The following SEMA3F variants were observed in gnomAD, a reference collection of about 807,000 sequenced individuals.
The protein encoded by SEMA3F is semaphorin-3F.
Under a neutral mutation model 98.5 loss-of-function variants are expected in SEMA3F, and 30 were observed. That is an observed-to-expected ratio of 0.30 (90% CI 0.23 to 0.41). The LOEUF (loss-of-function observed/expected upper bound fraction) is 0.41, where lower values mean the gene tolerates loss of function less well. Among genes scored for constraint, SEMA3F ranks in the 10% least tolerant of loss-of-function variants. SEMA3F has a pLI of 1.00. For missense variants in SEMA3F, 866 were observed against 1,119.3 expected, an observed-to-expected ratio of 0.77 and a Z score of 3.23; for synonymous variants, 380 against 444.8, an observed-to-expected ratio of 0.85 and a Z score of 1.83.
chr3:50,172,008 C>T (rs1199453703), intron 2 of SEMA3F, among the ~76,000 whole-genome samples: 1 of 152,194 alleles, frequency 6.6e-6, no homozygotes, highest in African/African-American at 2.4e-5. Flanking sequence ...TCTGGGTCAG[C>T]TGGTGGAACC....
At chr3:50,168,773 C>A (rs1175100607) in intron 2 of SEMA3F, among the ~76,000 whole-genome samples, 1 of 152,188 alleles carries the variant, frequency 6.6e-6, no homozygotes, top group Admixed American at 6.5e-5. Context: ...TAGGGACCAC[C>A]TGGGCCCTGC....
chr3:50,161,356 CA>C (rs1346783208), intron 2 of SEMA3F, among the ~76,000 whole-genome samples: 2 of 152,258 alleles, frequency 1.3e-5, no homozygotes, highest in African/African-American at 2.4e-5. Flanking sequence ...CAGGCAAGGG[CA>C]GGGTCAAGGT....
chr3:50,183,598 CTCT>C (rs1699100074), intron 12 of SEMA3F, 34 bp downstream of exon 12: 4 of 1,607,932 alleles, frequency 2.5e-6, no homozygotes, highest in Middle Eastern at 1.7e-4. Flanking sequence ...TCTCCCCTTT[CTCT>C]TCTTCTAAGA....
chr3:50,157,211 G>A (rs2859580), intron 1 of SEMA3F, among the ~76,000 whole-genome samples: 132,457 of 151,662 alleles, frequency 0.87, 57,893 homozygotes, highest in Admixed American at 0.89. Context: ...GTACAGTTTG[G>A]CCACCTGGCC....
Position 50,182,256 on chromosome 3 carries a change from C to A in SEMA3F, c.644-28C>A, listed in dbSNP as rs371668179. 1.9e-5 allele frequency: 30 copies of A among 1,613,990 alleles called. No individual in the cohort carries two copies. The African/African-American group carries it at 3.9e-4, about 21-fold the overall frequency. ...CCCTGGCCCTAGCAAACAGCAGCCC[C>A]CCAACTGACCCACTGGCCTACCCAC... is the stretch of plus-strand genomic sequence containing the variant. On this transcript the variant is annotated intron_variant, in intron 7 of 18. Transcript: ENST00000002829. The surrounding 1 kb of genome is among the most constrained non-coding windows in gnomAD (Gnocchi z 4.5).
At chr3:50,185,823 C>G (rs1699191506) in intron 15 of SEMA3F, 66 bp from the exon 16 acceptor site, 5 of 1,604,842 alleles carry the variant, frequency 3.1e-6, no homozygotes, top group Non-Finnish European at 4.3e-6. Flanking sequence ...AGGAGCCCAG[C>G]CTAGCTGGCT....
rs1465805143 is a variant in SEMA3F at position 50,182,665 on chromosome 3, A to T, written c.785A>T (p.Glu262Val). 6.2e-7 allele frequency: 1 copy of T among 1,613,460 alleles called. No individual in the cohort carries two copies. The highest frequency in any genetic ancestry group is 8.5e-7 in the Non-Finnish European group (1 of 1,179,930). The stretch of plus-strand genomic sequence containing the variant: ...GCAGACCCGTCGTTCATCCATGCTG[A>T]GCTCATTCCTGACAGTGCGGAGCGC... ...WLNDPSFIHA[E>V]LIPDSAERND... The change falls in exon 9 of 19, where the codon GAG becomes GTG. Residue 262 changes from glutamate (E) to valine (V), a missense_variant. Around this residue, in one of 3 missense-constraint regions of SEMA3F, gnomAD observed 374 missense variants for 582.8 expected, o/e 0.64. Transcript: ENST00000002829. The surrounding 1 kb of genome is among the most constrained non-coding windows in gnomAD (Gnocchi z 4.5).
At chr3:50,181,785 A>T (rs529725949) in intron 7 of SEMA3F, among the ~76,000 whole-genome samples, 62 of 152,062 alleles carry the variant, frequency 4.1e-4, no homozygotes, top group African/African-American at 1.5e-3. Flanking sequence ...CATGCCCAGA[A>T]AATTTCTGTA....
intron 2 of SEMA3F, among the ~76,000 whole-genome samples, chr3:50,167,077 ATCT>A (rs1168305576): frequency 6.6e-6 from 1 of 152,122 alleles, no homozygotes; most frequent in East Asian, 1.9e-4. Flanking sequence ...TTGTCTGGTC[ATCT>A]TCTCCCACCC....
At chr3:50,155,083 C>A, upstream of SEMA3F, 1 of 392,730 alleles carries the variant, frequency 2.5e-6, no homozygotes, top group African/African-American at 2.2e-5. This position sits in a 1 kb window ranked among gnomAD's most constrained non-coding sequence, Gnocchi z 4.9. Context: ...CCGGCGGCCG[C>A]GAGACCAGAG....
intron 6 of SEMA3F, among the ~76,000 whole-genome samples, chr3:50,175,425 G>A (rs916761331): frequency 6.6e-6 from 1 of 152,262 alleles, no homozygotes; most frequent in Non-Finnish European, 1.5e-5. Flanking sequence ...AGGTGGGGAA[G>A]ACAGGAGCCC....
intron 18 of SEMA3F, among the ~76,000 whole-genome samples, chr3:50,187,319 A>G (rs1699254012): frequency 6.7e-6 from 1 of 148,420 alleles, no homozygotes; most frequent in South Asian, 2.2e-4. Context: ...GCTACTTGGG[A>G]GGCTAAGGTG....
At chr3:50,164,955 A>G (rs538314627) in intron 2 of SEMA3F, among the ~76,000 whole-genome samples, 1 of 152,354 alleles carries the variant, frequency 6.6e-6, no homozygotes, top group South Asian at 2.1e-4. Context: ...AGCGATCCTG[A>G]GGCTGGTGTG....
chr3:50,162,031 C>T (rs1341226988), intron 2 of SEMA3F, among the ~76,000 whole-genome samples: 4 of 152,234 alleles, frequency 2.6e-5, no homozygotes, highest in African/African-American at 9.6e-5. Flanking sequence ...CACTGTGGCT[C>T]CATGTCATAG....
chr3:50,156,733 C>T lies in SEMA3F; in HGVS notation c.-49+1169C>T, dbSNP rs909890034. Among the ~76,000 whole-genome samples, 3 of 152,182 alleles carry T rather than the reference C, an allele frequency of 2.0e-5. No homozygotes were observed. Among genetic ancestry groups the T allele is most frequent in the African/African-American group, 4.8e-5 (2 of 41,440 alleles). ...ACTCCTGCTGCTCCCCCTTCAGCTC[C>T]GAAGGAGCCAGGCCCGGAAGTGGGG... On this transcript the variant is annotated intron_variant, in intron 1 of 18. Coordinates refer to ENST00000002829, the MANE Select transcript of SEMA3F (RefSeq NM_004186.5). The surrounding 1 kb of genome is among the most constrained non-coding windows in gnomAD (Gnocchi z 4.5).
rs745661919 is a variant in SEMA3F, at chr3:50,173,928, A to T, written c.248A>T (p.His83Leu). ...SKDYVLSLDL[H>L]DINREPLIIH... Reference sequence around the variant, plus strand: ...GACTACGTGCTGTCCCTGGACCTGCACGACATCAACCGCGAGCCCCTCATT... The same window carrying T: ...GACTACGTGCTGTCCCTGGACCTGCTCGACATCAACCGCGAGCCCCTCATT... Residue 83 changes from histidine (H) to leucine (L), a missense_variant, in exon 3 of 19, where the codon CAC becomes CTC. By Grantham distance (99) the His-to-Leu change is moderately conservative. Transcript: ENST00000002829. 1.2e-6 allele frequency: 2 copies of T among 1,614,140 alleles called. No homozygotes were observed. Among genetic ancestry groups the T allele is most frequent in the African/African-American group, 1.3e-5 (1 of 75,066 alleles).
At chr3:50,178,197 G>C (rs1373469555) in intron 7 of SEMA3F, among the ~76,000 whole-genome samples, 1 of 151,930 alleles carries the variant, frequency 6.6e-6, no homozygotes, top group Admixed American at 6.6e-5. Context: ...AGCTGAGATC[G>C]TGCCACTGCA....
chr3:50,183,150 A>G (rs780021478), intron 10 of SEMA3F, 36 bp from the exon 11 acceptor site: 7 of 1,605,666 alleles, frequency 4.4e-6, no homozygotes, highest in Middle Eastern at 3.3e-4. Context: ...GCTCCCGCCC[A>G]TGGCACCCTC....
At chr3:50,176,299 T>C (rs904081028) in intron 6 of SEMA3F, among the ~76,000 whole-genome samples, 1 of 152,154 alleles carries the variant, frequency 6.6e-6, no homozygotes, top group African/African-American at 2.4e-5. Flanking sequence ...TGGCTAGACC[T>C]GATGGCAAAG....
Sources: gnomAD v4.1 joint callset for allele counts (sites outside exome capture counted in the v4.1 genomes callset) on GRCh38, gnomAD v4.1.1 for gene constraint, gnomAD v4.1.1 regional missense constraint, Gnocchi (gnomAD v3.1) non-coding constraint, MANE v1.5 for transcripts, NCBI Gene and HGNC (gene_info 2026-07-23, HGNC 2026-07-21) for gene names.